Variants in LMO3 observed in about 807,000 individuals in gnomAD.
The protein encoded by LMO3 is LIM domain only protein 3.
Under a neutral mutation model 15.8 loss-of-function variants are expected in LMO3, and 2 were observed. The observed-to-expected ratio is 0.13, with a 90% CI of 0.05 to 0.40. The LOEUF (loss-of-function observed/expected upper bound fraction) is 0.40, where lower values mean the gene tolerates loss of function less well. Among genes scored for constraint, LMO3 ranks in the 10% least tolerant of loss-of-function variants. The pLI is 0.99. For synonymous variants in LMO3, 62 were observed against 63.8 expected (o/e 0.97, Z 0.13); for missense variants, 86 against 182.2 (o/e 0.47, Z 3.04).
At chr12:16,600,083 C>A (rs1189203687) in intron 2 of LMO3, 1 of 152,220 alleles carries the variant, frequency 6.6e-6, no homozygotes, top group African/African-American at 2.4e-5. Flanking sequence ...AGGATTTGCA[C>A]CTGACTTCCT....
At chr12:16,566,920 C>T (rs929810951) in intron 2 of LMO3, among the ~76,000 whole-genome samples, 2 of 152,138 alleles carry the variant, frequency 1.3e-5, no homozygotes, top group African/African-American at 4.8e-5. Context: ...TAAAAAACTA[C>T]CAAAAGCCCA....
chr12:16,555,134 G>C lies in LMO3; in HGVS notation c.333-3807C>G, dbSNP rs576563316. ...ATGTAAAACACTCAGAACGGTGTTT[G>C]GTGTTTGACTAATACTTTATCAGAA... On this transcript the variant is annotated intron_variant, in intron 3 of 3. Transcript: ENST00000537304. This position sits in a 1 kb window ranked among gnomAD's most constrained non-coding sequence, Gnocchi z 5.5. Among the ~76,000 whole-genome samples, 1 of 152,280 alleles carries C rather than the reference G, an allele frequency of 6.6e-6. No homozygotes were observed. Among genetic ancestry groups the C allele is most frequent in the East Asian group, 1.9e-4 (1 of 5,194 alleles).
At chr12:16,580,812 C>T (rs1179916049) in intron 2 of LMO3, among the ~76,000 whole-genome samples, 12 of 152,048 alleles carry the variant, frequency 7.9e-5, no homozygotes, top group Non-Finnish European at 2.9e-5. Flanking sequence ...AAATTTTTCA[C>T]GATGTTCTTA....
intron 2 of LMO3, among the ~76,000 whole-genome samples, chr12:16,566,767 T>C (rs1942628080): frequency 6.6e-6 from 1 of 152,160 alleles, no homozygotes; most frequent in African/African-American, 2.4e-5. Flanking sequence ...GTTCAACGTA[T>C]AAATATATAC....
Position 16,555,439 on chromosome 12 carries a change from C to T in LMO3, c.333-4112G>A, listed in dbSNP as rs1421808785. On this transcript the variant is annotated intron_variant, in intron 3 of 3. Coordinates refer to ENST00000537304, the MANE Select transcript of LMO3 (RefSeq NM_018640.5). The surrounding 1 kb of genome is among the most constrained non-coding windows in gnomAD (Gnocchi z 5.5). ...TCAGCAGTTCTGCGGTAAATGACCACGAGTTATATTTCTTTTGAACCCTTT... is the reference window on the plus strand; with the variant it reads ...TCAGCAGTTCTGCGGTAAATGACCATGAGTTATATTTCTTTTGAACCCTTT... Among the ~76,000 whole-genome samples, 2 of 152,142 alleles carry T rather than the reference C, an allele frequency of 1.3e-5. No homozygotes were observed. Among genetic ancestry groups the T allele is most frequent in the Admixed American group, 1.3e-4 (2 of 15,266 alleles).
chr12:16,577,810 C>A (rs1943040897), intron 2 of LMO3, among the ~76,000 whole-genome samples: 1 of 152,178 alleles, frequency 6.6e-6, no homozygotes. Context: ...TGATGGTTCT[C>A]TGGATCAATT....
chr12:16,571,350 T>TA (rs1221182845), intron 2 of LMO3, among the ~76,000 whole-genome samples: 1 of 152,122 alleles, frequency 6.6e-6, no homozygotes, highest in Non-Finnish European at 1.5e-5. Context: ...TTGGTCACTT[T>TA]TGTTAAAGTA....
chr12:16,583,116 G>A (rs1204483885), intron 2 of LMO3, among the ~76,000 whole-genome samples: 1 of 150,664 alleles, frequency 6.6e-6, no homozygotes, highest in Admixed American at 6.6e-5. Flanking sequence ...CTTTTAAAGA[G>A]AATAAATGAT....
In LMO3 at chr12:16,606,144, T is replaced by A; in HGVS notation, c.-87A>T. 5.2e-6 allele frequency: 1 copy of A among 191,556 alleles called. No individual in the cohort carries two copies. Among genetic ancestry groups the A allele is most frequent in the Non-Finnish European group, 9.9e-6 (1 of 101,372 alleles). The allele number at this position is 191,556 out of a possible 1,614,324, so 11.9% of individuals were successfully genotyped here. The stretch of plus-strand genomic sequence containing the variant: ...TTGTAGCGCTTCTCCTTGGGAAAGG[T>A]CAAAAAGAAGCATTGTTTGAAAAAA... On this transcript the variant is annotated 5_prime_UTR_variant, in exon 1 of 4. Transcript: ENST00000537304.
Position 16,600,910 on chromosome 12 carries a change from G to C in LMO3, c.-8-42C>G, listed in dbSNP as rs774981321. 4.2e-6 allele frequency: 6 copies of C among 1,422,678 alleles called. No individual in the cohort carries two copies. The Admixed American group carries it at 1.1e-4, about 25-fold the overall frequency. The allele number at this position is 1,422,678 out of a possible 1,614,324, so 88.1% of individuals were successfully genotyped here. A position where few individuals can be genotyped will look rare whatever the true frequency, so the allele number is the denominator to read the frequency against. On this transcript the variant is annotated intron_variant, in intron 1 of 3. Coordinates refer to ENST00000537304, the MANE Select transcript of LMO3 (RefSeq NM_018640.5). ...GCAAAAAAGAGAGCTGAGACTACCA[G>C]ACAGAATAAAAAGACCTCAAACAAG...
intron 2 of LMO3, among the ~76,000 whole-genome samples, chr12:16,564,463 G>A (rs1267262906): frequency 6.6e-6 from 1 of 152,218 alleles, no homozygotes; most frequent in African/African-American, 2.4e-5. Context: ...CGGACTGGGG[G>A]TAGGGAAAAA....
intron 3 of LMO3, among the ~76,000 whole-genome samples, chr12:16,556,551 C>T (rs938952070): frequency 6.6e-5 from 10 of 152,168 alleles, no homozygotes; most frequent in South Asian, 2.1e-4. Context: ...AATTCACAAA[C>T]GCGTAATTCC....
At position 16,560,335 on chromosome 12, in the gene LMO3, A is replaced by G; in HGVS notation, c.332+78T>C. On this transcript the variant is annotated intron_variant, in intron 3 of 3. Coordinates refer to ENST00000537304, the MANE Select transcript of LMO3 (RefSeq NM_018640.5). The surrounding 1 kb of genome is among the most constrained non-coding windows in gnomAD (Gnocchi z 5.0). ...GATTGATTGCTTTAAATGTATGAAT[A>G]TAATTTCCACCTATTAAATAAATAG... The G allele has an allele frequency of 6.9e-7, 1 of 1,453,818 alleles. No individual in the cohort carries two copies. The highest frequency in any genetic ancestry group is 1.3e-5 in the South Asian group (1 of 74,732). 90.1% of individuals were successfully genotyped at this position (1,453,818 alleles called of 1,614,324 possible).
At chr12:16,605,230 T>C (rs1565518278) in intron 1 of LMO3, 1 of 1,298,388 alleles carries the variant, frequency 7.7e-7, no homozygotes, top group Non-Finnish European at 9.8e-7. Flanking sequence ...ACAAATGGAT[T>C]TGATTAAACT....
At chr12:16,567,125 G>C (rs1565489241) in intron 2 of LMO3, among the ~76,000 whole-genome samples, 1 of 152,158 alleles carries the variant, frequency 6.6e-6, no homozygotes, top group Non-Finnish European at 1.5e-5. Flanking sequence ...GAACCTGCGA[G>C]GCGGAGGTTG....
rs1175330114 is a variant in LMO3 at position 16,599,508 on chromosome 12, A to G, written c.206+1147T>C. The G allele has an allele frequency of 6.6e-6, 1 of 152,198 alleles. No homozygotes were observed. Among genetic ancestry groups the G allele is most frequent in the African/African-American group, 2.4e-5 (1 of 41,444 alleles). 9.4% of individuals were successfully genotyped at this position (152,198 alleles called of 1,614,324 possible). A position where few individuals can be genotyped will look rare whatever the true frequency, so the allele number is the denominator to read the frequency against. On this transcript the variant is annotated intron_variant, in intron 2 of 3. Transcript: ENST00000537304. The surrounding 1 kb of genome is among the most constrained non-coding windows in gnomAD (Gnocchi z 4.1). ...GACCAAATTCCCTAGAAAACACCTC[A>G]TCAAATGACCAAGGTACTAAAGGAG...
upstream of LMO3, chr12:16,608,488 G>T (rs530518495): frequency 6.6e-6 from 1 of 151,996 alleles, no homozygotes; most frequent in African/African-American, 2.4e-5. The surrounding 1 kb of genome is among the most constrained non-coding windows in gnomAD (Gnocchi z 4.1). Flanking sequence ...CATCATTCGC[G>T]GTAATTAGTA....
Position 16,597,420 on chromosome 12 carries a change from A to G in LMO3, c.206+3235T>C, listed in dbSNP as rs144215733. On this transcript the variant is annotated intron_variant, in intron 2 of 3. Coordinates refer to ENST00000537304, the MANE Select transcript of LMO3 (RefSeq NM_018640.5). This position sits in a 1 kb window ranked among gnomAD's most constrained non-coding sequence, Gnocchi z 5.0. ...ATTCAAAGAACTTATAAATCACATC[A>G]TCATTATCACTACTCAAAGTAACAC... 2.8e-3 allele frequency among the ~76,000 whole-genome samples: 422 copies of G among 151,884 alleles called. 4 individuals carry two copies. The highest frequency in any genetic ancestry group is 9.6e-3 in the African/African-American group (399 of 41,540).
At position 16,554,758 on chromosome 12, in the gene LMO3, G is replaced by A. The variant is rs539900476; in HGVS notation, c.333-3431C>T. On this transcript the variant is annotated intron_variant, in intron 3 of 3. Transcript: ENST00000537304. Reference sequence around the variant, plus strand: ...GATTCGCTCCGCCTCCCGGGTTCCCGCCATTCTCCTGCCTCAGCCTCCCCA... The same window carrying A: ...GATTCGCTCCGCCTCCCGGGTTCCCACCATTCTCCTGCCTCAGCCTCCCCA... Among the ~76,000 whole-genome samples the A allele has an allele frequency of 2.2e-4, 33 of 152,292 alleles. No individual in the cohort carries two copies. The South Asian group carries it at 5.8e-3, about 27-fold the overall frequency.
Sources: allele counts gnomAD v4.1 joint callset (sites outside exome capture counted in the v4.1 genomes callset), GRCh38; gene constraint gnomAD v4.1.1; non-coding constraint Gnocchi (gnomAD v3.1); transcripts MANE v1.5; gene names NCBI Gene and HGNC (gene_info 2026-07-23, HGNC 2026-07-21).